Variants in ALPK1 observed in about 807,000 individuals in gnomAD.
ALPK1 encodes the protein alpha kinase 1.
In ALPK1, 110 loss-of-function variants were observed where a neutral mutation model predicts 120.6. The observed-to-expected ratio is 0.91, with a 90% confidence interval of 0.78 to 1.07. The LOEUF (loss-of-function observed/expected upper bound fraction) is 1.07. Among genes scored for constraint, ALPK1 ranks in the 50% least tolerant of loss-of-function variants. ALPK1 has a pLI of 0.00. For missense variants in ALPK1, 1,498 were observed against 1,483.9 expected (o/e 1.01, Z -0.16); for synonymous variants, 582 against 560.3 (o/e 1.04, Z -0.55).
chr4:112,338,436 G>GA (rs1457755162), intron 2 of ALPK1, among the ~76,000 whole-genome samples: 18 of 151,634 alleles, frequency 1.2e-4, no homozygotes, highest in Admixed American at 5.3e-4. Context: ...CAGACAATCA[G>GA]AAAAAATGTA....
At chr4:112,321,841 C>T (rs570049120) in intron 2 of ALPK1, among the ~76,000 whole-genome samples, 2 of 152,264 alleles carry the variant, frequency 1.3e-5, no homozygotes, top group South Asian at 4.1e-4. Context: ...TCCATTTTTA[C>T]AGGCCATTAC....
intron 2 of ALPK1, among the ~76,000 whole-genome samples, chr4:112,335,732 A>C (rs1254793647): frequency 6.6e-6 from 1 of 152,204 alleles, no homozygotes; most frequent in Non-Finnish European, 1.5e-5. Context: ...GAATAAGGGA[A>C]AGCTTGACCT....
chr4:112,363,961 G>T (rs1199944962), intron 2 of ALPK1, among the ~76,000 whole-genome samples: 2 of 152,140 alleles, frequency 1.3e-5, no homozygotes, highest in Non-Finnish European at 2.9e-5. Flanking sequence ...CTGATCGATT[G>T]TTGGGTCAAC....
intron 4 of ALPK1, among the ~76,000 whole-genome samples, chr4:112,394,345 T>C (rs1177493453): frequency 6.6e-6 from 1 of 152,244 alleles, no homozygotes; most frequent in Non-Finnish European, 1.5e-5. Context: ...ACAGAAATTG[T>C]ATAATTTTCA....
At position 112,382,367 on chromosome 4, in the gene ALPK1, A is replaced by G. The variant is rs748612936; in HGVS notation, c.122-31A>G. On this transcript the variant is annotated intron_variant, in intron 3 of 15. Coordinates refer to ENST00000650871, the MANE Select transcript of ALPK1 (RefSeq NM_025144.4). ...GCTCAACAGCCTTTTCTTTGACTGC[A>G]ATTTCCTTACCTGAACTCTGACCTT... is the stretch of plus-strand genomic sequence containing the variant. 3 of 1,595,548 alleles carry G rather than the reference A, an allele frequency of 1.9e-6. No homozygotes were observed. In the South Asian group the frequency reaches 3.3e-5, roughly 18 times the overall value.
At chr4:112,327,827 A>G (rs1036192610) in intron 2 of ALPK1, among the ~76,000 whole-genome samples, 1 of 152,244 alleles carries the variant, frequency 6.6e-6, no homozygotes, top group African/African-American at 2.4e-5. Flanking sequence ...CATATACTTA[A>G]TAGCTCTTTT....
chr4:112,346,719 CA>C (rs1730120005), intron 2 of ALPK1, among the ~76,000 whole-genome samples: 1 of 152,206 alleles, frequency 6.6e-6, no homozygotes, highest in African/African-American at 2.4e-5. Flanking sequence ...CAGGGTAAGA[CA>C]AATTGCTGTG....
Position 112,411,982 on chromosome 4 carries a change from C to T in ALPK1, c.432C>T (p.Ala144=). 3.1e-6 allele frequency: 5 copies of T among 1,614,168 alleles called. No homozygotes were observed. The highest frequency in any genetic ancestry group is 4.2e-6 in the Non-Finnish European group (5 of 1,180,028). The change falls in exon 5 of 16, where the codon GCC becomes GCT. Residue 144 remains alanine (A), a synonymous_variant. Transcript: ENST00000650871. ...AGTTGCAGCCAGCCACGCCAATTGC[C>T]CCGCAGGTGGTTATTCGCCAAGCCC... ...LHKLQPATPI[A]PQVVIRQARI... is the part of the protein sequence containing the mutation.
intron 2 of ALPK1, among the ~76,000 whole-genome samples, chr4:112,367,614 G>C (rs1424004006): frequency 6.6e-6 from 1 of 152,106 alleles, no homozygotes; most frequent in African/African-American, 2.4e-5. Flanking sequence ...GGTATCTGAG[G>C]AGGGTCCCAG....
At chr4:112,385,736 T>A (rs1732124817) in intron 4 of ALPK1, among the ~76,000 whole-genome samples, 1 of 152,218 alleles carries the variant, frequency 6.6e-6, no homozygotes, top group Non-Finnish European at 1.5e-5. Flanking sequence ...CCCAATCTGG[T>A]CGATTTCAAT....
chr4:112,389,972 C>G (rs986252926), intron 4 of ALPK1, among the ~76,000 whole-genome samples: 1 of 152,212 alleles, frequency 6.6e-6, no homozygotes, highest in African/African-American at 2.4e-5. Context: ...CCAGCTGCAG[C>G]TATATCTCAC....
chr4:112,302,059 AT>A (rs200480722), intron 1 of ALPK1, among the ~76,000 whole-genome samples: 2,657 of 152,158 alleles, frequency 0.017, 77 homozygotes, highest in African/African-American at 0.06. Context: ...TAGCTCTCAA[AT>A]TTTATACTTC....
chr4:112,304,358 T>A (rs1305430098), intron 1 of ALPK1, among the ~76,000 whole-genome samples: 1 of 152,122 alleles, frequency 6.6e-6, no homozygotes, highest in East Asian at 1.9e-4. Context: ...TAGTTTACAG[T>A]CCCACCAACA....
chr4:112,385,018 A>G (rs559109234), intron 4 of ALPK1, among the ~76,000 whole-genome samples: 15 of 152,166 alleles, frequency 9.9e-5, no homozygotes, highest in African/African-American at 3.4e-4. Flanking sequence ...AGAGGGAGTG[A>G]CTCAGCTTTG....
chr4:112,379,292 G>A (rs1344780698), intron 3 of ALPK1, among the ~76,000 whole-genome samples: 1 of 152,230 alleles, frequency 6.6e-6, no homozygotes, highest in East Asian at 1.9e-4. Context: ...GCAAATCACG[G>A]CTGTAAAATC....
At chr4:112,388,608 T>C (rs1252856768) in intron 4 of ALPK1, among the ~76,000 whole-genome samples, 1 of 147,918 alleles carries the variant, frequency 6.8e-6, no homozygotes, top group African/African-American at 2.5e-5. Flanking sequence ...AGCAGAAATC[T>C]TTTTCATCAA....
chr4:112,427,325 C>T (rs1488021207), intron 8 of ALPK1, among the ~76,000 whole-genome samples: 1 of 82,580 alleles, frequency 1.2e-5, no homozygotes, highest in Non-Finnish European at 2.5e-5. Flanking sequence ...CACATTGTAT[C>T]CCATAAACAT....
intron 2 of ALPK1, chr4:112,358,069 C>T (rs1048648416): frequency 1.9e-5 from 11 of 581,840 alleles, no homozygotes; most frequent in Admixed American, 6.6e-5. Flanking sequence ...ATAGCCCCCA[C>T]GCATGGACCC....
chr4:112,421,430 C>T (rs1560680451), intron 5 of ALPK1, among the ~76,000 whole-genome samples: 1 of 152,168 alleles, frequency 6.6e-6, no homozygotes, highest in African/African-American at 2.4e-5. Context: ...TTTACAGCCA[C>T]GCCCTTGGTT....
Sources: gnomAD v4.1 joint callset for allele counts (sites outside exome capture counted in the v4.1 genomes callset) on GRCh38, gnomAD v4.1.1 for gene constraint, MANE v1.5 for transcripts, NCBI Gene and HGNC (gene_info 2026-07-23, HGNC 2026-07-21) for gene names.